Variants in SLC12A1 observed in about 807,000 individuals in gnomAD.
The protein encoded by SLC12A1 is solute carrier family 12 member 1, also known as Na-K-2Cl cotransporter.
A neutral mutation model predicts 130.4 loss-of-function variants in SLC12A1; 89 were observed. The observed-to-expected ratio is 0.68, with a 90% CI of 0.58 to 0.81. The LOEUF is 0.81. SLC12A1 is among the 40% of genes least tolerant of loss of function. The pLI is 0.00. For missense variants in SLC12A1, 1,310 were observed against 1,336.4 expected, an observed-to-expected ratio of 0.98 and a Z score of 0.31; for synonymous variants, 499 against 460.0, an observed-to-expected ratio of 1.08 and a Z score of -1.09.
chr15:48,299,937 A>G (rs964924931), intron 25 of SLC12A1, among the ~76,000 whole-genome samples: 7 of 152,194 alleles, frequency 4.6e-5, no homozygotes, highest in Non-Finnish European at 7.3e-5. Context: ...GACCACAAGA[A>G]CTTCTAAACT....
intron 17 of SLC12A1, among the ~76,000 whole-genome samples, chr15:48,260,221 C>T (rs188999715): frequency 1.5e-4 from 23 of 151,704 alleles, no homozygotes; most frequent in African/African-American, 5.6e-4. Context: ...GTCAAGATCA[C>T]ACCACTGCAT....
At chr15:48,294,950 G>A (rs748777409) in intron 24 of SLC12A1, among the ~76,000 whole-genome samples, 27 of 108,896 alleles carry the variant, frequency 2.5e-4, no homozygotes, top group South Asian at 8.6e-4. Context: ...TCACTCTGTC[G>A]TCTAGGCTAG....
At chr15:48,290,584 A>G (rs1474180652) in intron 23 of SLC12A1, among the ~76,000 whole-genome samples, 1 of 152,186 alleles carries the variant, frequency 6.6e-6, no homozygotes, top group African/African-American at 2.4e-5. Flanking sequence ...CCGTTACAAC[A>G]GCTACGACAT....
intron 2 of SLC12A1, among the ~76,000 whole-genome samples, chr15:48,217,197 C>T (rs944022223): frequency 5.3e-5 from 8 of 152,164 alleles, no homozygotes; most frequent in Admixed American, 6.5e-5. Context: ...GCAACTATTG[C>T]TAATAAATAC....
chr15:48,288,009 G>A (rs1247767992), intron 21 of SLC12A1, 34 bp from the exon 22 acceptor site: 1 of 1,593,378 alleles, frequency 6.3e-7, no homozygotes, highest in South Asian at 1.2e-5. Flanking sequence ...GCCCTCAAAA[G>A]CAAACAGATG....
At chr15:48,239,871 T>C (rs1236149696) in intron 9 of SLC12A1, among the ~76,000 whole-genome samples, 5 of 151,522 alleles carry the variant, frequency 3.3e-5, no homozygotes, top group African/African-American at 4.8e-5. Context: ...GGCTGCTCTC[T>C]AACTCCTGAC....
chr15:48,223,710 G>GGTGATTTAT, intron 4 of SLC12A1: 1 of 152,346 alleles, frequency 6.6e-6, no homozygotes, highest in African/African-American at 2.4e-5. Flanking sequence ...AGCAAAACAA[G>GGTGATTTAT]TGCAGAATAA....
chr15:48,234,774 T>C, intron 8 of SLC12A1, 103 bp from the exon 9 acceptor site: 1 of 1,110,650 alleles, frequency 9.0e-7, no homozygotes, highest in Non-Finnish European at 1.3e-6. Context: ...AATTAGAATA[T>C]AGGAATGTAT....
chr15:48,236,920 GT>G, intron 9 of SLC12A1: 1 of 614,004 alleles, frequency 1.6e-6, no homozygotes, highest in East Asian at 2.9e-5. Context: ...TTAAAAACAA[GT>G]TTGTATCAGA....
intron 9 of SLC12A1, among the ~76,000 whole-genome samples, chr15:48,237,659 G>C (rs1190301111): frequency 1.3e-5 from 2 of 152,144 alleles, no homozygotes; most frequent in South Asian, 2.1e-4. Flanking sequence ...TTATAATTAG[G>C]CTTAACTTTT....
intron 4 of SLC12A1, 96 bp from the exon 5 acceptor site, chr15:48,226,380 C>T (rs2041286276): frequency 8.2e-6 from 6 of 729,924 alleles, no homozygotes; most frequent in Non-Finnish European, 9.1e-6. Context: ...AGGCATGGAC[C>T]TGAAAACTTA....
rs1281368096 is a variant in SLC12A1 at position 48,244,879 on chromosome 15, A to G, written c.1427A>G (p.Gln476Arg). ...DFSRCRHEPC[Q>R]YGLMNNFQVM... Reference sequence around the variant, plus strand: ...TCAAGATGTCGACATGAACCATGTCAGTACGGGCTGATGAACAATTTCCAG... The same window carrying G: ...TCAAGATGTCGACATGAACCATGTCGGTACGGGCTGATGAACAATTTCCAG... The change falls in exon 11 of 27, where the codon CAG becomes CGG. Residue 476 changes from glutamine (Q) to arginine (R), a missense_variant. Coordinates refer to ENST00000380993, the MANE Select transcript of SLC12A1 (RefSeq NM_000338.3). 5 of 1,613,996 alleles carry G rather than the reference A, an allele frequency of 3.1e-6. No homozygotes were observed. Among genetic ancestry groups the G allele is most frequent in the Non-Finnish European group, 4.2e-6 (5 of 1,179,860 alleles).
At chr15:48,226,659 A>T in intron 5 of SLC12A1, 88 bp downstream of exon 5, 1 of 802,818 alleles carries the variant, frequency 1.2e-6, no homozygotes, top group Non-Finnish European at 2.1e-6. Context: ...GGAACAAGGA[A>T]GTAGCCCGAT....
intron 8 of SLC12A1, among the ~76,000 whole-genome samples, chr15:48,233,154 G>A (rs1597413026): frequency 6.6e-6 from 1 of 152,170 alleles, no homozygotes; most frequent in Non-Finnish European, 1.5e-5. Context: ...CCAGGAAAGA[G>A]CCTGGAGTTG....
intron 21 of SLC12A1, among the ~76,000 whole-genome samples, chr15:48,285,888 C>G (rs1016365265): frequency 2.0e-5 from 3 of 152,140 alleles, no homozygotes; most frequent in Non-Finnish European, 4.4e-5. Flanking sequence ...AAATTACTTC[C>G]CGAAACGCTA....
At chr15:48,250,968 G>T (rs977559136) in intron 14 of SLC12A1, among the ~76,000 whole-genome samples, 1 of 152,092 alleles carries the variant, frequency 6.6e-6, no homozygotes, top group African/African-American at 2.4e-5. Context: ...TCCCACGCAC[G>T]TGCGCACTGT....
intron 2 of SLC12A1, among the ~76,000 whole-genome samples, chr15:48,208,738 A>AT (rs2041013871): frequency 6.6e-6 from 1 of 152,238 alleles, no homozygotes; most frequent in Non-Finnish European, 1.5e-5. Context: ...GTCAAACTGA[A>AT]TACCAAGCTG....
chr15:48,213,499 G>T lies in SLC12A1; in HGVS notation c.420+5360G>T, dbSNP rs1488251712. On this transcript the variant is annotated intron_variant, in intron 2 of 26. Coordinates refer to ENST00000380993, the MANE Select transcript of SLC12A1 (RefSeq NM_000338.3). ...AAAGTGACTTGACCTCTTTCCTCTA[G>T]AATTTTTTTTTTTTTTTTTTTTGAG... Among the ~76,000 whole-genome samples, 10 of 145,194 alleles carry T rather than the reference G, an allele frequency of 6.9e-5. No homozygotes were observed. The South Asian group carries it at 1.1e-3, about 16-fold the overall frequency.
intron 13 of SLC12A1, among the ~76,000 whole-genome samples, chr15:48,249,150 G>C (rs77171917): frequency 0.018 from 2,755 of 152,236 alleles, 79 homozygotes; most frequent in African/African-American, 0.064. Context: ...AACACATATT[G>C]GGCCTATGCA....
Sources: gnomAD v4.1 joint callset for allele counts (sites outside exome capture counted in the v4.1 genomes callset) on GRCh38, gnomAD v4.1.1 for gene constraint, MANE v1.5 for transcripts, NCBI Gene and HGNC (gene_info 2026-07-23, HGNC 2026-07-21) for gene names.